The following GLI2 variants were observed in gnomAD, a reference collection of about 807,000 sequenced individuals.
GLI2 encodes the protein GLI family zinc finger 2, also known as transcription activator GLI2.
GLI2 carries 22 observed loss-of-function variants against 78.9 expected under a neutral mutation model. The ratio of observed to expected loss-of-function variants is 0.28; its 90% CI spans 0.20 to 0.40. GLI2 has a LOEUF of 0.40. GLI2 is among the 10% of genes least tolerant of loss of function. The pLI, the probability that GLI2 is intolerant of heterozygous loss-of-function variation, is 1.00. For missense variants in GLI2, 2,097 were observed against 2,213.2 expected (o/e 0.95, Z 1.05); for synonymous variants, 974 against 963.7 (o/e 1.01, Z -0.20).
chr2:120,914,074 G>A (rs1678969637), intron 2 of GLI2, among the ~76,000 whole-genome samples: 1 of 152,256 alleles, frequency 6.6e-6, no homozygotes, highest in South Asian at 2.1e-4. Context: ...ACGACCCGTG[G>A]GGACCAGACA....
At chr2:120,825,646 C>T (rs1260583773) in intron 2 of GLI2, among the ~76,000 whole-genome samples, 1 of 152,016 alleles carries the variant, frequency 6.6e-6, no homozygotes, top group African/African-American at 2.4e-5. Context: ...GTGCACCGGA[C>T]TGTGAGTGTG....
intron 2 of GLI2, among the ~76,000 whole-genome samples, chr2:120,888,027 G>A (rs1156835257): frequency 2.0e-5 from 3 of 152,308 alleles, no homozygotes; most frequent in African/African-American, 7.2e-5. Flanking sequence ...GGTGGCCTGC[G>A]GTTCAGTTCA....
At chr2:120,941,372 C>G (rs1558900093) in intron 3 of GLI2, among the ~76,000 whole-genome samples, 1 of 152,214 alleles carries the variant, frequency 6.6e-6, no homozygotes, top group Non-Finnish European at 1.5e-5. Context: ...GTTTCACCTA[C>G]AAAACCAAAC....
rs755264335 is a variant in GLI2, at chr2:120,989,791, A to G, written c.3826A>G (p.Thr1276Ala). ...PQQTEVAPDP[T>A]TMGNRHRELG... ...GCAGACAGAAGTGGCACCTGACCCCACCACGATGGGCAATCGCCACAGGGA... is the reference window on the plus strand; with the variant it reads ...GCAGACAGAAGTGGCACCTGACCCCGCCACGATGGGCAATCGCCACAGGGA... Residue 1276 changes from threonine (T) to alanine (A), a missense_variant, in exon 14 of 14, where the codon ACC (threonine) becomes GCC (alanine). By Grantham distance (58) the Thr-to-Ala change is moderately conservative. This residue lies in a region of GLI2 where 1,290 missense variants were observed against 1,261.7 expected (regional missense o/e 1.02). Transcript: ENST00000361492. The G allele has an allele frequency of 2.5e-6, 4 of 1,610,784 alleles. No individual in the cohort carries two copies. The Admixed American group carries it at 6.7e-5, about 27-fold the overall frequency.
At chr2:120,749,516 A>C (rs1469529679) in intron 1 of GLI2, among the ~76,000 whole-genome samples, 1 of 152,210 alleles carries the variant, frequency 6.6e-6, no homozygotes, top group Non-Finnish European at 1.5e-5. Flanking sequence ...AAAGTTGGTG[A>C]GATAAGCAGA....
At chr2:120,753,929 A>C (rs1038714741) in intron 1 of GLI2, among the ~76,000 whole-genome samples, 3 of 151,962 alleles carry the variant, frequency 2.0e-5, no homozygotes, top group African/African-American at 4.8e-5. Flanking sequence ...AAAAAAAAAA[A>C]AAACAACTAT....
At chr2:120,890,701 A>G (rs1677638716) in intron 2 of GLI2, among the ~76,000 whole-genome samples, 1 of 152,250 alleles carries the variant, frequency 6.6e-6, no homozygotes, top group South Asian at 2.1e-4. Flanking sequence ...CAAGGTAATT[A>G]ATATATGCAA....
chr2:120,925,380 T>G (rs1297156611), intron 2 of GLI2, among the ~76,000 whole-genome samples: 1 of 152,246 alleles, frequency 6.6e-6, no homozygotes, highest in African/African-American at 2.4e-5. Flanking sequence ...GAAAAATTTC[T>G]TCCCATTAAG....
chr2:120,924,554 CACACACACAT>C (rs1310555162), intron 2 of GLI2, among the ~76,000 whole-genome samples: 1 of 151,778 alleles, frequency 6.6e-6, no homozygotes, highest in Non-Finnish European at 1.5e-5. Context: ...CACACACACA[CACACACACAT>C]ACACACACAA....
At position 120,768,326 on chromosome 2, in the gene GLI2, C is replaced by A. The variant is rs146202011; in HGVS notation, c.-30-28965C>A. Among the ~76,000 whole-genome samples, 441 of 152,330 alleles carry A rather than the reference C, an allele frequency of 2.9e-3. 1 individual carries two copies. The highest frequency in any genetic ancestry group is 1.0e-2 in the African/African-American group (415 of 41,586). On this transcript the variant is annotated intron_variant, in intron 1 of 13. Coordinates refer to ENST00000361492, the MANE Select transcript of GLI2 (RefSeq NM_001374353.1). ...CCAGAGAGGAGAAGCGCCCTCAGAG[C>A]TGGGGTTCCTGGCGAGGCCACTGAG...
At position 120,797,297 on chromosome 2, in the gene GLI2, C is replaced by T. The variant is rs1415210332; in HGVS notation, c.-24C>T. 4 of 1,613,396 alleles carry T rather than the reference C, an allele frequency of 2.5e-6. No individual in the cohort carries two copies. Among genetic ancestry groups the T allele is most frequent in the Admixed American group, 1.7e-5 (1 of 59,994 alleles). ...TCTTTGTCTTCTCTTTTAGGATTGC[C>T]ACCCAGGACGATGAGCGGCTGAGAT... is the stretch of plus-strand genomic sequence containing the variant. On this transcript the variant is annotated 5_prime_UTR_variant, in exon 2 of 14. Transcript: ENST00000361492.
intron 2 of GLI2, among the ~76,000 whole-genome samples, chr2:120,864,462 A>G (rs1357769205): frequency 6.8e-6 from 1 of 147,848 alleles, no homozygotes; most frequent in Admixed American, 6.7e-5. Context: ...TGCCAGAGGC[A>G]CTCCCACCCT....
chr2:120,883,032 C>T (rs1466784361), intron 2 of GLI2, among the ~76,000 whole-genome samples: 1 of 152,140 alleles, frequency 6.6e-6, no homozygotes, highest in Admixed American at 6.6e-5. Flanking sequence ...TATTATGTTT[C>T]CCATCCCTAT....
chr2:120,804,181 A>G (rs888699227), intron 2 of GLI2, among the ~76,000 whole-genome samples: 6 of 152,230 alleles, frequency 3.9e-5, no homozygotes, highest in African/African-American at 7.2e-5. Flanking sequence ...TGTGTTGGCC[A>G]GAGCTAGAAA....
chr2:120,750,539 T>C (rs1247636642), intron 1 of GLI2, among the ~76,000 whole-genome samples: 1 of 152,248 alleles, frequency 6.6e-6, no homozygotes, highest in Non-Finnish European at 1.5e-5. Flanking sequence ...AGAGTTAGTA[T>C]GAGACAATTA....
At chr2:120,854,574 G>A (rs765863119) in intron 2 of GLI2, among the ~76,000 whole-genome samples, 6 of 152,318 alleles carry the variant, frequency 3.9e-5, no homozygotes, top group Middle Eastern at 6.8e-3. Flanking sequence ...AGAAGGGGTC[G>A]TGTTTCATGT....
rs546638863 is a variant in GLI2, at chr2:120,906,832, C to T, written c.149-20529C>T. On this transcript the variant is annotated intron_variant, in intron 2 of 13. Coordinates refer to ENST00000361492, the MANE Select transcript of GLI2 (RefSeq NM_001374353.1). ...GCTTGACTCGCCCTCCCTGCATCCC[C>T]GCGTGGCAGAGTCCTGCTGGCCCTG... 7.9e-5 allele frequency among the ~76,000 whole-genome samples: 12 copies of T among 152,302 alleles called. No homozygotes were observed. In the South Asian group the frequency reaches 1.0e-3, roughly 13 times the overall value.
chr2:120,934,328 C>T (rs528243377), intron 3 of GLI2, among the ~76,000 whole-genome samples: 1 of 152,244 alleles, frequency 6.6e-6, no homozygotes, highest in African/African-American at 2.4e-5. Flanking sequence ...TTGCAAAAGG[C>T]AGTGAGTGTA....
At chr2:120,864,504 G>A (rs1339365341) in intron 2 of GLI2, among the ~76,000 whole-genome samples, 4 of 151,954 alleles carry the variant, frequency 2.6e-5, no homozygotes, top group Admixed American at 2.0e-4. Flanking sequence ...GTCTCGCTCT[G>A]TCTGTCGCCC....
Sources: allele counts gnomAD v4.1 joint callset (sites outside exome capture counted in the v4.1 genomes callset), GRCh38; gene constraint gnomAD v4.1.1; regional missense constraint gnomAD v4.1.1; transcripts MANE v1.5; gene names NCBI Gene and HGNC (gene_info 2026-07-23, HGNC 2026-07-21).